The following SLIT2 variants were observed in gnomAD, a reference collection of about 807,000 sequenced individuals.
The protein encoded by SLIT2 is slit homolog 2 protein.
A neutral mutation model predicts 185.7 loss-of-function variants in SLIT2; 41 were observed. The observed-to-expected ratio is 0.22, with a 90% confidence interval of 0.17 to 0.29. The LOEUF is 0.29. Ranked by LOEUF, SLIT2 falls within the 10% of genes least tolerant of loss-of-function variation. SLIT2 has a pLI of 1.00. For missense variants in SLIT2, 1,571 were observed against 1,909.0 expected (o/e 0.82, Z 3.30); for synonymous variants, 693 against 680.2 (o/e 1.02, Z -0.29).
intron 26 of SLIT2, among the ~76,000 whole-genome samples, chr4:20,563,171 C>T (rs1724831159): frequency 1.3e-5 from 2 of 151,678 alleles, no homozygotes; most frequent in South Asian, 2.1e-4. Context: ...TTAAGCTAAC[C>T]ACACCTCCAC....
At chr4:20,276,762 C>G (rs754850080) in intron 4 of SLIT2, among the ~76,000 whole-genome samples, 3 of 152,092 alleles carry the variant, frequency 2.0e-5, no homozygotes, top group Non-Finnish European at 2.9e-5. Flanking sequence ...GCTTCCCCTC[C>G]GACAGTTCCA....
intron 5 of SLIT2, among the ~76,000 whole-genome samples, chr4:20,479,090 A>G (rs899573974): frequency 6.6e-6 from 1 of 152,228 alleles, no homozygotes. Context: ...TTATACAGGC[A>G]ATAAAATTGT....
chr4:20,461,510 T>A (rs1414673537), intron 4 of SLIT2, among the ~76,000 whole-genome samples: 1 of 152,162 alleles, frequency 6.6e-6, no homozygotes, highest in Non-Finnish European at 1.5e-5. Flanking sequence ...GTAGTTTTCA[T>A]GAGAAATGTG....
intron 4 of SLIT2, among the ~76,000 whole-genome samples, chr4:20,280,496 A>G (rs772270487): frequency 1.6e-4 from 24 of 152,122 alleles, no homozygotes; most frequent in Non-Finnish European, 3.5e-4. Flanking sequence ...AGTAAGTCAG[A>G]TAAGAGAGGG....
chr4:20,572,465 T>C (rs1725691115), intron 29 of SLIT2, among the ~76,000 whole-genome samples: 1 of 152,192 alleles, frequency 6.6e-6, no homozygotes, highest in Non-Finnish European at 1.5e-5. Flanking sequence ...TTTTGTTTGG[T>C]TATTTTTTTA....
chr4:20,401,273 T>C (rs962443798), intron 4 of SLIT2, among the ~76,000 whole-genome samples: 2 of 151,900 alleles, frequency 1.3e-5, no homozygotes, highest in African/African-American at 2.4e-5. Context: ...ATTCAGTTCT[T>C]GGGAAGAACT....
At chr4:20,509,203 G>C (rs1476055495) in intron 9 of SLIT2, among the ~76,000 whole-genome samples, 2 of 151,052 alleles carry the variant, frequency 1.3e-5, no homozygotes, top group Non-Finnish European at 2.9e-5. Flanking sequence ...TTCAAATCCG[G>C]GCGGGAAAGT....
At chr4:20,326,441 T>A (rs1719598774) in intron 4 of SLIT2, among the ~76,000 whole-genome samples, 1 of 152,072 alleles carries the variant, frequency 6.6e-6, no homozygotes, top group Admixed American at 6.6e-5. Flanking sequence ...TTTTCTTAAT[T>A]GTACCAAATC....
At chr4:20,300,593 C>T (rs67506381) in intron 4 of SLIT2, among the ~76,000 whole-genome samples, 36,282 of 142,282 alleles carry the variant, frequency 0.26, 5,253 homozygotes, top group East Asian at 0.62. Context: ...CATGTAGACA[C>T]GTGCAGACAT....
At chr4:20,305,872 AAATAATAATAATAATAATAATAAT>A (rs56164214) in intron 4 of SLIT2, among the ~76,000 whole-genome samples, 40 of 136,480 alleles carry the variant, frequency 2.9e-4, no homozygotes, top group Admixed American at 6.0e-4. Context: ...GACTGTCTCA[AAATAATAATAATAATAATAATAAT>A]AATAATAATA....
At chr4:20,547,754 C>G (rs924822518) in intron 22 of SLIT2, among the ~76,000 whole-genome samples, 1 of 150,426 alleles carries the variant, frequency 6.6e-6, no homozygotes, top group African/African-American at 2.4e-5. Flanking sequence ...TATATATACA[C>G]TATATATATA....
At chr4:20,423,916 T>C (rs1728354095) in intron 4 of SLIT2, among the ~76,000 whole-genome samples, 1 of 152,138 alleles carries the variant, frequency 6.6e-6, no homozygotes, top group Non-Finnish European at 1.5e-5. Flanking sequence ...TTTTGGCTCA[T>C]GTGATCAACT....
intron 9 of SLIT2, among the ~76,000 whole-genome samples, chr4:20,502,635 A>G (rs1197292610): frequency 6.6e-6 from 1 of 152,206 alleles, no homozygotes; most frequent in African/African-American, 2.4e-5. Flanking sequence ...GGGCTTTTTT[A>G]GACATAAGAA....
Position 20,553,939 on chromosome 4 carries a change from C to G in SLIT2, c.2696C>G (p.Thr899Arg). ...PGEMADKLLL[T>R]TPSKKFTCQG... is the part of the protein sequence containing the mutation. Reference sequence around the variant, plus strand: ...GAAATGGCAGATAAACTTTTACTCACAACTCCCTCCAAAAAATTTACCTGT... The same window carrying G: ...GAAATGGCAGATAAACTTTTACTCAGAACTCCCTCCAAAAAATTTACCTGT... Residue 899 changes from threonine to arginine, a missense_variant, in exon 26 of 37, where the codon ACA (threonine) becomes AGA (arginine). Thr to Arg is a moderately conservative substitution (Grantham distance 71, BLOSUM62 -1). Around this residue, in one of 3 missense-constraint regions of SLIT2, gnomAD observed 1,202 missense variants for 1,416.4 expected, o/e 0.85. Coordinates refer to ENST00000504154, the MANE Select transcript of SLIT2 (RefSeq NM_004787.4). 1 of 1,602,236 alleles carries G rather than the reference C, an allele frequency of 6.2e-7. No homozygotes were observed.
In SLIT2 at chr4:20,309,748, GTCTT is replaced by G. The variant is rs1194236632; in HGVS notation, c.395+40877_395+40880del. 5.4e-3 allele frequency among the ~76,000 whole-genome samples: 736 copies of G among 136,086 alleles called. 45 individuals carry two copies. Among genetic ancestry groups the G allele is most frequent in the Middle Eastern group, 0.022 (5 of 232 alleles). 89.3% of individuals were successfully genotyped at this position (136,086 alleles called of 152,430 possible). A position where few individuals can be genotyped will look rare whatever the true frequency, so the allele number is the denominator to read the frequency against. On this transcript the variant is annotated intron_variant, in intron 4 of 36. Coordinates refer to ENST00000504154, the MANE Select transcript of SLIT2 (RefSeq NM_004787.4). ...ACTAACAATCTTTGGTGACCTTCTA[GTCTT>G]TCTTTCTTTTTTTTTTTTTTTTTTT... is the stretch of plus-strand genomic sequence containing the variant.
At chr4:20,332,899 C>A (rs950975866) in intron 4 of SLIT2, among the ~76,000 whole-genome samples, 2 of 151,792 alleles carry the variant, frequency 1.3e-5, no homozygotes, top group African/African-American at 4.9e-5. Flanking sequence ...ATTTTAGGGG[C>A]AGAAAAGGGA....
chr4:20,479,303 C>T (rs1034217664), intron 5 of SLIT2, among the ~76,000 whole-genome samples: 2 of 152,146 alleles, frequency 1.3e-5, no homozygotes, highest in African/African-American at 4.8e-5. Context: ...TGGATTAAAT[C>T]ATTGCACCTT....
At chr4:20,391,451 A>T (rs1412618666) in intron 4 of SLIT2, among the ~76,000 whole-genome samples, 1 of 152,106 alleles carries the variant, frequency 6.6e-6, no homozygotes, top group Non-Finnish European at 1.5e-5. Flanking sequence ...CATATTTGGC[A>T]TAGAAAGTAC....
At chr4:20,266,838 CAG>C (rs1159605444) in intron 3 of SLIT2, among the ~76,000 whole-genome samples, 3 of 151,922 alleles carry the variant, frequency 2.0e-5, no homozygotes, top group Admixed American at 1.3e-4. Flanking sequence ...GTAGGAGAAT[CAG>C]GGGAAGGTTC....
Sources: allele counts gnomAD v4.1 joint callset (sites outside exome capture counted in the v4.1 genomes callset), GRCh38; gene constraint gnomAD v4.1.1; regional missense constraint gnomAD v4.1.1; transcripts MANE v1.5; gene names NCBI Gene and HGNC (gene_info 2026-07-23, HGNC 2026-07-21).